Variants in BRCA2 observed in about 807,000 individuals in gnomAD.
BRCA2 encodes breast cancer type 2 susceptibility protein.
BRCA2 carries 203 observed loss-of-function variants against 276.7 expected under a neutral mutation model. The observed-to-expected ratio is 0.73, with a 90% CI of 0.65 to 0.82. BRCA2 has a LOEUF of 0.82. BRCA2 is among the 40% of genes least tolerant of loss of function. BRCA2 has a pLI of 0.00. For missense variants in BRCA2, 3,920 were observed against 3,915.0 expected (o/e 1.00, Z -0.03); for synonymous variants, 1,289 against 1,338.4 (o/e 0.96, Z 0.81).
At chr13:32,325,876 T>C (rs2072341647) in intron 4 of BRCA2, among the ~76,000 whole-genome samples, 1 of 152,204 alleles carries the variant, frequency 6.6e-6, no homozygotes, top group Non-Finnish European at 1.5e-5. Flanking sequence ...ATACACGGTT[T>C]CCAGCAGCTG....
chr13:32,364,436 C>T (rs1468197117), intron 18 of BRCA2, among the ~76,000 whole-genome samples: 1 of 152,154 alleles, frequency 6.6e-6, no homozygotes. Flanking sequence ...TAGACAGCAA[C>T]CGTTAACTTC....
At chr13:32,375,406 G>A (rs1475480965) in intron 20 of BRCA2, 3 of 450,214 alleles carry the variant, frequency 6.7e-6, no homozygotes, top group Non-Finnish European at 1.3e-5. Context: ...ATCAACTTCT[G>A]GTAAACTTGT....
At position 32,338,148 on chromosome 13, in the gene BRCA2, T is replaced by A. The variant is rs797044976; in HGVS notation, c.3793T>A (p.Cys1265Ser). 1.2e-6 allele frequency: 2 copies of A among 1,600,710 alleles called. No individual in the cohort carries two copies. The highest frequency in any genetic ancestry group is 1.7e-6 in the Non-Finnish European group (2 of 1,172,996). Residue 1265 changes from cysteine (C) to serine (S), a missense_variant, in exon 11 of 27, where the codon TGT becomes AGT. Transcript: ENST00000380152. Reference sequence around the variant, plus strand: ...TCCAATAAGTTTATCTTCAAGTAAATGTCATGATTCTGTTGTTTCAATGTT... The same window carrying A: ...TCCAATAAGTTTATCTTCAAGTAAAAGTCATGATTCTGTTGTTTCAATGTT... ...VHPISLSSSK[C>S]HDSVVSMFKI...
rs2138703877 is a variant in BRCA2, at chr13:32,319,115, T to C, written c.106T>C (p.Ser36Pro). Residue 36 changes from serine to proline, a missense_variant, in exon 3 of 27, where the codon TCT (serine) becomes CCT (proline). By Grantham distance (74) the Ser-to-Pro change is moderately conservative. Coordinates refer to ENST00000380152, the MANE Select transcript of BRCA2 (RefSeq NM_000059.4). Reference sequence around the variant, plus strand: ...AAGTCTTAATTGGTTTGAAGAACTTTCTTCAGAAGCTCCACCCTATAATTC... The same window carrying C: ...AAGTCTTAATTGGTTTGAAGAACTTCCTTCAGAAGCTCCACCCTATAATTC... Reference protein sequence around the residue: ...PISLNWFEELSSEAPPYNSEP... With the variant: ...PISLNWFEELPSEAPPYNSEP... The C allele has an allele frequency of 6.2e-7, 1 of 1,613,480 alleles. No individual in the cohort carries two copies. Among genetic ancestry groups the C allele is most frequent in the Non-Finnish European group, 8.5e-7 (1 of 1,179,422 alleles).
intron 24 of BRCA2, among the ~76,000 whole-genome samples, chr13:32,393,933 C>A (rs1387784797): frequency 6.6e-6 from 1 of 152,152 alleles, no homozygotes; most frequent in Admixed American, 6.5e-5. Flanking sequence ...CTTTTTCCCC[C>A]ACTCACACCC....
Position 32,337,048 on chromosome 13 carries a change from G to C in BRCA2, c.2693G>C (p.Arg898Thr), listed in dbSNP as rs397507292. Residue 898 changes from arginine to threonine, a missense_variant, in exon 11 of 27, where the codon AGG becomes ACG. Physicochemically the swap from Arg to Thr is moderately conservative, Grantham distance 71. Coordinates refer to ENST00000380152, the MANE Select transcript of BRCA2 (RefSeq NM_000059.4). ...NNFVFQVANE[R>T]NNLALGNTKE... ...TTTGTCTTCCAAGTAGCTAATGAAA[G>C]GAATAATCTTGCTTTAGGAAATACT... The C allele has an allele frequency of 6.2e-7, 1 of 1,600,024 alleles. No individual in the cohort carries two copies. The highest frequency in any genetic ancestry group is 2.2e-5 in the East Asian group (1 of 44,748).
At position 32,325,217 on chromosome 13, in the gene BRCA2, A is replaced by G. The variant is rs200065709; in HGVS notation, c.425+33A>G. The G allele has an allele frequency of 3.6e-4, 500 of 1,401,556 alleles. No individual in the cohort carries two copies. The highest frequency in any genetic ancestry group is 7.8e-4 in the Admixed American group (44 of 56,724). The allele number at this position is 1,401,556 out of a possible 1,614,324, so 86.8% of individuals were successfully genotyped here. A position where few individuals can be genotyped will look rare whatever the true frequency, so the allele number is the denominator to read the frequency against. On this transcript the variant is annotated intron_variant, in intron 4 of 26. Coordinates refer to ENST00000380152, the MANE Select transcript of BRCA2 (RefSeq NM_000059.4). ...GAAGCTATTATATTAAAATATTTAA[A>G]TGAAACATTTTCCTACATATATTTG...
rs864622338 is a variant in BRCA2 at position 32,339,569 on chromosome 13, T to G, written c.5214T>G (p.Thr1738=). ...DKNHLSEKQD[T]YLSNSSMSNS... ...ATCATCTCTCCGAAAAACAAGATAC[T>G]TATTTAAGTAACAGTAGCATGTCTA... Residue 1738 remains threonine (T), a synonymous_variant, in exon 11 of 27, where the codon ACT becomes ACG. Coordinates refer to ENST00000380152, the MANE Select transcript of BRCA2 (RefSeq NM_000059.4). 3.1e-6 allele frequency: 5 copies of G among 1,609,376 alleles called. No individual in the cohort carries two copies. The Admixed American group carries it at 8.4e-5, about 27-fold the overall frequency.
chr13:32,321,268 G>A (rs1057363751), intron 3 of BRCA2, among the ~76,000 whole-genome samples: 4 of 152,258 alleles, frequency 2.6e-5, no homozygotes, highest in African/African-American at 4.8e-5. Flanking sequence ...CAACCTGCTC[G>A]GCATTAAGGA....
chr13:32,353,309 A>C (rs1436892036), intron 13 of BRCA2, among the ~76,000 whole-genome samples: 1 of 152,172 alleles, frequency 6.6e-6, no homozygotes, highest in Non-Finnish European at 1.5e-5. Flanking sequence ...CAGTCTAGTC[A>C]GTCCTTTCAG....
intron 11 of BRCA2, among the ~76,000 whole-genome samples, 190 bp from the exon 12 acceptor site, chr13:32,344,368 G>A (rs1403362442): frequency 6.6e-6 from 1 of 151,016 alleles, no homozygotes; most frequent in African/African-American, 2.5e-5. Context: ...GGTCAAAACA[G>A]AACAAAAATG....
At chr13:32,358,089 T>C (rs539029639) in intron 16 of BRCA2, among the ~76,000 whole-genome samples, 160 bp downstream of exon 16, 1 of 152,348 alleles carries the variant, frequency 6.6e-6, no homozygotes, top group Admixed American at 6.5e-5. Flanking sequence ...TAGAAGTCTT[T>C]TGAAAAGTGC....
chr13:32,376,232 C>T (rs1448369360), intron 20 of BRCA2, among the ~76,000 whole-genome samples: 1 of 150,586 alleles, frequency 6.6e-6, no homozygotes, highest in African/African-American at 2.5e-5. Context: ...TCCTGGAAAA[C>T]TTATAGCAGG....
rs1555282059 is a variant in BRCA2, at chr13:32,333,245, G to C, written c.1767G>C (p.Lys589Asn). The C allele has an allele frequency of 6.2e-7, 1 of 1,611,846 alleles. No individual in the cohort carries two copies. The highest frequency in any genetic ancestry group is 2.2e-5 in the East Asian group (1 of 44,854). The change falls in exon 10 of 27, where the codon AAG (lysine) becomes AAC (asparagine). Residue 589 changes from lysine to asparagine, a missense_variant. Physicochemically the swap from Lys to Asn is moderately conservative, Grantham distance 94 (BLOSUM62 0). Around this residue, in one of 2 missense-constraint regions of BRCA2, gnomAD observed 3,263 missense variants for 3,156.9 expected, o/e 1.03. Coordinates refer to ENST00000380152, the MANE Select transcript of BRCA2 (RefSeq NM_000059.4). ...LISTLKKKTNKFIYAIHDETS... is the reference protein window; with the variant it reads ...LISTLKKKTNNFIYAIHDETS... ...CCACTTTGAAAAAGAAAACAAATAA[G>C]TTTATTTATGCTATACATGATGAAA... is the stretch of plus-strand genomic sequence containing the variant.
chr13:32,398,621 A>G lies in BRCA2; in HGVS notation c.10108A>G (p.Arg3370Gly), dbSNP rs1723750944. Reference protein sequence around the residue: ...KQFISVSESTRTAPTSSEDYL... With the variant: ...KQFISVSESTGTAPTSSEDYL... ...ATTTATATCTGTCAGTGAATCCACT[A>G]GGACTGCTCCCACCAGTTCAGAAGA... is the stretch of plus-strand genomic sequence containing the variant. Residue 3370 changes from arginine (R) to glycine (G), a missense_variant, in exon 27 of 27, where the codon AGG becomes GGG. Arg to Gly is a moderately radical substitution (Grantham distance 125). Coordinates refer to ENST00000380152, the MANE Select transcript of BRCA2 (RefSeq NM_000059.4). 6.2e-7 allele frequency: 1 copy of G among 1,614,118 alleles called. No individual in the cohort carries two copies. The highest frequency in any genetic ancestry group is 8.5e-7 in the Non-Finnish European group (1 of 1,179,936).
chr13:32,388,121 C>CTTT (rs34184533), intron 24 of BRCA2, among the ~76,000 whole-genome samples: 6 of 141,514 alleles, frequency 4.2e-5, no homozygotes, highest in South Asian at 4.5e-4. Context: ...ATGACCTCAT[C>CTTT]TTTTTTTTTT....
chr13:32,348,066 TAAG>T lies in BRCA2; in HGVS notation c.7007+1173_7007+1175del, dbSNP rs199645879. The stretch of plus-strand genomic sequence containing the variant: ...AAGAAAAGAAAAAATGGCCGTAAAA[TAAG>T]AACAAGTTGCTATAAAAAGCTCTTA... On this transcript the variant is annotated intron_variant, in intron 13 of 26. Coordinates refer to ENST00000380152, the MANE Select transcript of BRCA2 (RefSeq NM_000059.4). 7.2e-3 allele frequency among the ~76,000 whole-genome samples: 1,092 copies of T among 152,050 alleles called. 15 individuals are homozygous for T. Among genetic ancestry groups the T allele is most frequent in the African/African-American group, 0.025 (1,036 of 41,480 alleles).
chr13:32,341,194 T>C lies in BRCA2; in HGVS notation c.6839T>C (p.Val2280Ala), dbSNP rs1566235479. The C allele has an allele frequency of 1.2e-6, 2 of 1,613,924 alleles. No homozygotes were observed. Among genetic ancestry groups the C allele is most frequent in the African/African-American group, 2.7e-5 (2 of 75,060 alleles). ...AGAAGAGGAGAGCCCCTTATCTTAGTGGGTAAGTGTTCATTTTTACCTTTC... is the reference window on the plus strand; with the variant it reads ...AGAAGAGGAGAGCCCCTTATCTTAGCGGGTAAGTGTTCATTTTTACCTTTC... ...GKRRGEPLILVGEPSIKRNLL... is the reference protein window; with the variant it reads ...GKRRGEPLILAGEPSIKRNLL... The change falls in exon 11 of 27, where the codon GTG becomes GCG. Residue 2280 changes from valine to alanine, a missense_variant and splice_region_variant. Val to Ala is a moderately conservative substitution (Grantham distance 64). Transcript: ENST00000380152.
At position 32,348,708 on chromosome 13, in the gene BRCA2, T is replaced by C. The variant is rs11571688; in HGVS notation, c.7007+1812T>C. Among the ~76,000 whole-genome samples the C allele has an allele frequency of 4.0e-4, 61 of 151,844 alleles. No individual in the cohort carries two copies. The East Asian group carries it at 8.7e-3, about 22-fold the overall frequency. On this transcript the variant is annotated intron_variant, in intron 13 of 26. Transcript: ENST00000380152. ...GCATACACCAAGAAGGAGGAAGGTA[T>C]AGGACTTAAGAAATAAGAATTCAAC...
Sources: allele counts gnomAD v4.1 joint callset (sites outside exome capture counted in the v4.1 genomes callset), GRCh38; gene constraint gnomAD v4.1.1; regional missense constraint gnomAD v4.1.1; transcripts MANE v1.5; gene names NCBI Gene and HGNC (gene_info 2026-07-23, HGNC 2026-07-21).